The following GRIA1 variants were observed in gnomAD, a reference collection of about 807,000 sequenced individuals.
GRIA1 encodes glutamate receptor 1.
GRIA1 carries 31 observed loss-of-function variants against 99.2 expected under a neutral mutation model. The observed-to-expected ratio is 0.31, with a 90% CI of 0.23 to 0.42. The LOEUF (loss-of-function observed/expected upper bound fraction) is 0.42. Among genes scored for constraint, GRIA1 ranks in the 10% least tolerant of loss-of-function variants. GRIA1 has a pLI of 1.00. For synonymous variants in GRIA1, 438 were observed against 432.4 expected (o/e 1.01, Z -0.16); for missense variants, 782 against 1,157.5 (o/e 0.68, Z 4.71).
At chr5:153,534,442 G>A (rs998402383) in intron 2 of GRIA1, among the ~76,000 whole-genome samples, 1 of 152,146 alleles carries the variant, frequency 6.6e-6, no homozygotes, top group Admixed American at 6.5e-5. Context: ...AAAGCAAAAC[G>A]GCCAACTAAG....
intron 11 of GRIA1, among the ~76,000 whole-genome samples, chr5:153,720,801 T>C (rs1760003795): frequency 6.6e-6 from 1 of 152,240 alleles, no homozygotes; most frequent in African/African-American, 2.4e-5. Context: ...AGGTGTTTCC[T>C]GAGCCCTCAT....
At chr5:153,677,976 A>T (rs1456680937) in intron 7 of GRIA1, among the ~76,000 whole-genome samples, 1 of 152,136 alleles carries the variant, frequency 6.6e-6, no homozygotes, top group Admixed American at 6.5e-5. Flanking sequence ...CCTGCTAGAG[A>T]AGCTGTATTT....
chr5:153,514,343 A>G (rs1170424782), intron 2 of GRIA1, among the ~76,000 whole-genome samples: 1 of 152,152 alleles, frequency 6.6e-6, no homozygotes, highest in African/African-American at 2.4e-5. Context: ...TAAGTATTTA[A>G]TTCATTTTGA....
chr5:153,507,678 G>T (rs1365875860), intron 2 of GRIA1, among the ~76,000 whole-genome samples: 5 of 152,068 alleles, frequency 3.3e-5, no homozygotes, highest in Admixed American at 3.3e-4. Flanking sequence ...TCATCTTCAT[G>T]ATATAATCCA....
At chr5:153,520,307 AC>A (rs1757020642) in intron 2 of GRIA1, among the ~76,000 whole-genome samples, 1 of 152,216 alleles carries the variant, frequency 6.6e-6, no homozygotes, top group Non-Finnish European at 1.5e-5. Context: ...GTGCTGGCCC[AC>A]AAATTGCTAG....
intron 11 of GRIA1, among the ~76,000 whole-genome samples, chr5:153,727,589 A>G (rs1581550007): frequency 6.6e-6 from 1 of 152,208 alleles, no homozygotes; most frequent in Admixed American, 6.5e-5. Context: ...TTATACACCA[A>G]TAACAGGCAA....
At chr5:153,636,132 C>T (rs1753340817) in intron 2 of GRIA1, among the ~76,000 whole-genome samples, 1 of 152,118 alleles carries the variant, frequency 6.6e-6, no homozygotes, top group Admixed American at 6.5e-5. Context: ...CATGAAAGAA[C>T]CACAAGTGGA....
In GRIA1 at chr5:153,776,103, C is replaced by T. The variant is rs568970467; in HGVS notation, c.2270+5688C>T. ...TGATTGGACAGGCTCCTGGAGATTA[C>T]CCTGGCGGTGGTTTGCGATACGCAT... On this transcript the variant is annotated intron_variant, in intron 13 of 15. Coordinates refer to ENST00000285900, the MANE Select transcript of GRIA1 (RefSeq NM_000827.4). Among the ~76,000 whole-genome samples, 3 of 152,172 alleles carry T rather than the reference C, an allele frequency of 2.0e-5. No individual in the cohort carries two copies. In the South Asian group the frequency reaches 6.2e-4, roughly 32 times the overall value.
chr5:153,780,840 A>G (rs1309410839), intron 13 of GRIA1, among the ~76,000 whole-genome samples: 1 of 152,090 alleles, frequency 6.6e-6, no homozygotes, highest in Non-Finnish European at 1.5e-5. Context: ...AGTGGCAATT[A>G]CCTTCTCTGG....
intron 2 of GRIA1, among the ~76,000 whole-genome samples, chr5:153,582,643 T>C (rs1181832312): frequency 1.3e-5 from 2 of 152,164 alleles, no homozygotes; most frequent in Non-Finnish European, 2.9e-5. Context: ...ATTTCCATGA[T>C]GAATCTACAG....
chr5:153,554,990 G>A (rs1263764460), intron 2 of GRIA1, among the ~76,000 whole-genome samples: 1 of 152,106 alleles, frequency 6.6e-6, no homozygotes, highest in African/African-American at 2.4e-5. Context: ...ACTCAGCTCA[G>A]AAGGAGGCTC....
rs143316075 is a variant in GRIA1 at position 153,792,688 on chromosome 5, CCCTTCTTCCTTT to C, written c.2271-1931_2271-1920del. ...AAAGACCATTTTGGCTTGCTTTCTTCCCTTCTTCCTTTCTTTCTTTCTGTCTGTCTTTCTCTC... is the reference window on the plus strand; with the variant it reads ...AAAGACCATTTTGGCTTGCTTTCTTCCTTTCTTTCTGTCTGTCTTTCTCTC... On this transcript the variant is annotated intron_variant, in intron 13 of 15. Coordinates refer to ENST00000285900, the MANE Select transcript of GRIA1 (RefSeq NM_000827.4). 5.4e-3 allele frequency among the ~76,000 whole-genome samples: 821 copies of C among 152,296 alleles called. 12 individuals are homozygous for C. The highest frequency in any genetic ancestry group is 0.019 in the African/African-American group (785 of 41,552).
At chr5:153,491,939 A>G (rs938753174) in intron 1 of GRIA1, among the ~76,000 whole-genome samples, 5 of 152,186 alleles carry the variant, frequency 3.3e-5, no homozygotes, top group Non-Finnish European at 5.9e-5. Context: ...CAAAACAAAC[A>G]GAAGCAATAA....
intron 13 of GRIA1, among the ~76,000 whole-genome samples, chr5:153,785,271 A>G (rs1236594204): frequency 6.6e-6 from 1 of 151,944 alleles, no homozygotes; most frequent in Non-Finnish European, 1.5e-5. Flanking sequence ...GCAAATTCTC[A>G]CCCTAAATAG....
intron 11 of GRIA1, among the ~76,000 whole-genome samples, chr5:153,723,701 G>A (rs6876587): frequency 0.51 from 77,131 of 150,740 alleles, 20,621 homozygotes; most frequent in East Asian, 0.94. Flanking sequence ...AGGGGCCCCC[G>A]CCATTGCCCA....
intron 2 of GRIA1, among the ~76,000 whole-genome samples, chr5:153,545,802 A>G (rs1161041026): frequency 6.6e-6 from 1 of 152,232 alleles, no homozygotes; most frequent in Non-Finnish European, 1.5e-5. Flanking sequence ...CCTGAATGAT[A>G]ATATTTAAAT....
At chr5:153,581,607 T>G (rs1490438400) in intron 2 of GRIA1, among the ~76,000 whole-genome samples, 1 of 152,164 alleles carries the variant, frequency 6.6e-6, no homozygotes, top group Admixed American at 6.5e-5. Flanking sequence ...ATCTCTTCAG[T>G]CAGTACTTCG....
rs1763805440 is a variant in GRIA1 at position 153,770,502 on chromosome 5, A to G, written c.2270+87A>G. On this transcript the variant is annotated intron_variant, in intron 13 of 15. Coordinates refer to ENST00000285900, the MANE Select transcript of GRIA1 (RefSeq NM_000827.4). ...CTTCTGTGTCTGCTACAAGCCTCCA[A>G]TGCCACAATGCAAGCTGTTGAGGGG... The G allele has an allele frequency of 1.2e-5, 15 of 1,253,190 alleles. No homozygotes were observed. In the South Asian group the frequency reaches 1.2e-4, roughly 10 times the overall value. The allele number at this position is 1,253,190 out of a possible 1,614,324, so 77.6% of individuals were successfully genotyped here. A position where few individuals can be genotyped will look rare whatever the true frequency, so the allele number is the denominator to read the frequency against.
intron 2 of GRIA1, among the ~76,000 whole-genome samples, chr5:153,592,194 T>G (rs2149387379): frequency 6.6e-6 from 1 of 152,376 alleles, no homozygotes; most frequent in African/African-American, 2.4e-5. Flanking sequence ...TTCCTTGAAC[T>G]GTCCAAGCCA....
Sources: gnomAD v4.1 joint callset for allele counts (sites outside exome capture counted in the v4.1 genomes callset) on GRCh38, gnomAD v4.1.1 for gene constraint, MANE v1.5 for transcripts, NCBI Gene and HGNC (gene_info 2026-07-23, HGNC 2026-07-21) for gene names.